The following KLHDC10 variants were observed in gnomAD, a reference collection of about 807,000 sequenced individuals.
The protein encoded by KLHDC10 is kelch domain containing 10, also known as kelch domain-containing protein 10.
A neutral mutation model predicts 56.1 loss-of-function variants in KLHDC10; 24 were observed. That is an observed-to-expected ratio of 0.43 (90% CI 0.31 to 0.60). KLHDC10 has a LOEUF of 0.60. Ranked by LOEUF, KLHDC10 falls within the 20% of genes least tolerant of loss-of-function variation. The pLI is 0.11. For missense variants in KLHDC10, 349 were observed against 567.0 expected (o/e 0.62, Z 3.91); for synonymous variants, 188 against 207.1 (o/e 0.91, Z 0.79).
chr7:130,119,081 T>A (rs1468393472), intron 3 of KLHDC10, among the ~76,000 whole-genome samples: 5 of 151,032 alleles, frequency 3.3e-5, no homozygotes, highest in Non-Finnish European at 5.9e-5. Context: ...TAGTGGCCTG[T>A]ACATATAGTC....
chr7:130,087,701 A>G (rs1014397333), intron 1 of KLHDC10, among the ~76,000 whole-genome samples: 1 of 152,186 alleles, frequency 6.6e-6, no homozygotes, highest in Admixed American at 6.5e-5. Flanking sequence ...TTGGTGTCAC[A>G]TAAAACAAAT....
At chr7:130,073,967 C>A (rs1795460690) in intron 1 of KLHDC10, among the ~76,000 whole-genome samples, 1 of 152,172 alleles carries the variant, frequency 6.6e-6, no homozygotes, top group Non-Finnish European at 1.5e-5. Flanking sequence ...CCCTTCAATT[C>A]ATATAGCACA....
rs1196523791 is a variant in KLHDC10 at position 130,133,510 on chromosome 7, G to C, written c.*2764G>C. 6.6e-6 allele frequency: 1 copy of C among 152,208 alleles called. No homozygotes were observed. Among genetic ancestry groups the C allele is most frequent in the African/African-American group, 2.4e-5 (1 of 41,460 alleles). The allele number at this position is 152,208 out of a possible 1,614,324, so 9.4% of individuals were successfully genotyped here. ...GGTTCAAATTATGCCAAGAATTTTA[G>C]ATGTGATCAGCTGGCTTAAGCCAAC... On this transcript the variant is annotated 3_prime_UTR_variant, in exon 10 of 10. Coordinates refer to ENST00000335420, the MANE Select transcript of KLHDC10 (RefSeq NM_014997.4).
intron 2 of KLHDC10, among the ~76,000 whole-genome samples, chr7:130,099,057 A>T (rs577815709): frequency 6.6e-6 from 1 of 152,090 alleles, no homozygotes; most frequent in Non-Finnish European, 1.5e-5. Flanking sequence ...ACCTCTTTGT[A>T]GTGTTTGAGG....
At chr7:130,113,876 A>G (rs146759311) in intron 2 of KLHDC10, among the ~76,000 whole-genome samples, 56 of 152,336 alleles carry the variant, frequency 3.7e-4, no homozygotes, top group Admixed American at 2.4e-3. Flanking sequence ...AGCAAATGAC[A>G]GAGATTTTTA....
chr7:130,078,677 C>G (rs955315812), intron 1 of KLHDC10, among the ~76,000 whole-genome samples: 1 of 152,026 alleles, frequency 6.6e-6, no homozygotes, highest in South Asian at 2.1e-4. Flanking sequence ...TGCCACTACA[C>G]CCGGCTAATT....
chr7:130,110,754 A>G (rs1796088893), intron 2 of KLHDC10, among the ~76,000 whole-genome samples: 1 of 152,212 alleles, frequency 6.6e-6, no homozygotes, highest in Non-Finnish European at 1.5e-5. Flanking sequence ...AGGCTGTTCG[A>G]TATTTATAAC....
At chr7:130,080,589 G>T (rs1205439759) in intron 1 of KLHDC10, among the ~76,000 whole-genome samples, 2 of 151,930 alleles carry the variant, frequency 1.3e-5, no homozygotes, top group Non-Finnish European at 2.9e-5. Flanking sequence ...TGTAGCAGTG[G>T]GGTCTCAATG....
intron 1 of KLHDC10, among the ~76,000 whole-genome samples, chr7:130,088,682 A>T: frequency 1.5e-5 from 2 of 134,680 alleles, no homozygotes; most frequent in Admixed American, 7.6e-5. Flanking sequence ...TCACTCTGTG[A>T]CCCAAACTGG....
chr7:130,090,618 G>A, intron 1 of KLHDC10, among the ~76,000 whole-genome samples: 1 of 151,676 alleles, frequency 6.6e-6, no homozygotes, highest in Middle Eastern at 3.2e-3. Context: ...AGAAGGGAAG[G>A]AAATAATACT....
intron 1 of KLHDC10, among the ~76,000 whole-genome samples, chr7:130,090,412 A>G (rs1051666817): frequency 6.6e-6 from 1 of 151,836 alleles, no homozygotes; most frequent in Non-Finnish European, 1.5e-5. Context: ...ACATGGTGAG[A>G]CCCTATCTCT....
intron 1 of KLHDC10, among the ~76,000 whole-genome samples, chr7:130,085,910 A>T (rs888022481): frequency 6.6e-6 from 1 of 151,940 alleles, no homozygotes; most frequent in African/African-American, 2.4e-5. Flanking sequence ...TTAGTACAGT[A>T]CTATAAGTAA....
chr7:130,078,990 A>T (rs1188862520), intron 1 of KLHDC10, among the ~76,000 whole-genome samples: 1 of 152,160 alleles, frequency 6.6e-6, no homozygotes, highest in Non-Finnish European at 1.5e-5. Flanking sequence ...ATTGAAGCGT[A>T]CATATTTTAT....
chr7:130,102,508 T>C (rs1408821195), intron 2 of KLHDC10, among the ~76,000 whole-genome samples: 2 of 152,036 alleles, frequency 1.3e-5, no homozygotes, highest in Admixed American at 1.3e-4. Context: ...CAAGAGTGAA[T>C]TAGATCCATA....
Position 130,071,471 on chromosome 7 carries a change from C to T in KLHDC10, c.166+662C>T, listed in dbSNP as rs186168542. 3.0e-4 allele frequency among the ~76,000 whole-genome samples: 46 copies of T among 152,284 alleles called. No homozygotes were observed. In the East Asian group the frequency reaches 6.0e-3, roughly 20 times the overall value. ...TTATGCTGTGTTTACAATATAAAAA[C>T]AACTGAGAATTGGAAAAATGTACCC... On this transcript the variant is annotated intron_variant, in intron 1 of 9. Coordinates refer to ENST00000335420, the MANE Select transcript of KLHDC10 (RefSeq NM_014997.4).
chr7:130,073,832 C>G (rs757348337), intron 1 of KLHDC10, among the ~76,000 whole-genome samples: 6 of 152,144 alleles, frequency 3.9e-5, no homozygotes, highest in Non-Finnish European at 7.4e-5. Context: ...CGTTGCACTT[C>G]AGGTGTAATC....
At chr7:130,129,198 G>A (rs1340277124) in intron 8 of KLHDC10, among the ~76,000 whole-genome samples, 2 of 152,032 alleles carry the variant, frequency 1.3e-5, no homozygotes, top group Non-Finnish European at 2.9e-5. Context: ...TGGTAACTTT[G>A]ACATGAAGGC....
chr7:130,089,294 T>A (rs958711050), intron 1 of KLHDC10, among the ~76,000 whole-genome samples: 2 of 152,046 alleles, frequency 1.3e-5, no homozygotes, highest in South Asian at 4.2e-4. Context: ...GCCCCATCTC[T>A]ACAATATAAA....
At chr7:130,088,551 C>T (rs546520559) in intron 1 of KLHDC10, among the ~76,000 whole-genome samples, 1 of 152,060 alleles carries the variant, frequency 6.6e-6, no homozygotes, top group African/African-American at 2.4e-5. Flanking sequence ...GCTGGGATTA[C>T]AGGCCTGAGC....
Sources: gnomAD v4.1 joint callset for allele counts (sites outside exome capture counted in the v4.1 genomes callset) on GRCh38, gnomAD v4.1.1 for gene constraint, MANE v1.5 for transcripts, NCBI Gene and HGNC (gene_info 2026-07-23, HGNC 2026-07-21) for gene names.